PRKAR2B: variants seen among roughly 807,000 people sequenced by gnomAD.
The protein encoded by PRKAR2B is cAMP-dependent protein kinase type II-beta regulatory subunit.
A neutral mutation model predicts 49.9 loss-of-function variants in PRKAR2B; 14 were observed. The ratio of observed to expected loss-of-function variants is 0.28; its 90% CI spans 0.19 to 0.44. PRKAR2B has a LOEUF of 0.44. Among genes scored for constraint, PRKAR2B ranks in the 20% least tolerant of loss-of-function variants. The pLI is 1.00. For synonymous variants in PRKAR2B, 196 were observed against 197.7 expected, an observed-to-expected ratio of 0.99 and a Z score of 0.07; for missense variants, 393 against 537.9, an observed-to-expected ratio of 0.73 and a Z score of 2.67.
chr7:107,147,077 AT>A (rs11303143), intron 6 of PRKAR2B, among the ~76,000 whole-genome samples: 53,075 of 151,774 alleles, frequency 0.35, 11,366 homozygotes, highest in South Asian at 0.57. Flanking sequence ...TACCTGGAGT[AT>A]TTTTTTAAAA....
intron 1 of PRKAR2B, 74 bp from the exon 2 acceptor site, chr7:107,070,207 C>A: frequency 9.3e-7 from 1 of 1,080,146 alleles, no homozygotes; most frequent in Non-Finnish European, 1.4e-6. Flanking sequence ...GATGGTTTAC[C>A]AATTTGAGCC....
At chr7:107,143,379 G>A (rs562501766) in intron 5 of PRKAR2B, among the ~76,000 whole-genome samples, 7 of 152,286 alleles carry the variant, frequency 4.6e-5, no homozygotes, top group African/African-American at 1.7e-4. Context: ...AGCTTATTCA[G>A]CATCCCCGAA....
intron 2 of PRKAR2B, among the ~76,000 whole-genome samples, chr7:107,076,796 T>A (rs1166588370): frequency 3.3e-5 from 5 of 151,644 alleles, no homozygotes; most frequent in Admixed American, 2.6e-4. Context: ...ACAGGTGAAA[T>A]TAATCTTTAA....
At chr7:107,076,648 T>A (rs556749818) in intron 2 of PRKAR2B, among the ~76,000 whole-genome samples, 1 of 152,232 alleles carries the variant, frequency 6.6e-6, no homozygotes, top group Non-Finnish European at 1.5e-5. Flanking sequence ...TTATTTCTTA[T>A]AATAGAAGGA....
At chr7:107,065,436 A>G (rs938926640) in intron 1 of PRKAR2B, among the ~76,000 whole-genome samples, 13 of 151,712 alleles carry the variant, frequency 8.6e-5, no homozygotes, top group African/African-American at 2.9e-4. Flanking sequence ...TTTCCCTCCC[A>G]GGAGTATGCT....
intron 2 of PRKAR2B, chr7:107,077,443 T>C (rs1451002451): frequency 6.6e-6 from 1 of 152,144 alleles, no homozygotes; most frequent in Admixed American, 6.5e-5. Flanking sequence ...ACAGGAAGGG[T>C]ACTATTTGTG....
At chr7:107,122,063 A>T (rs1038380379) in intron 3 of PRKAR2B, 59 bp downstream of exon 3, 30 of 1,166,536 alleles carry the variant, frequency 2.6e-5, no homozygotes, top group Non-Finnish European at 3.7e-5. Context: ...ATATAAGGAA[A>T]ATAATCATAG....
intron 2 of PRKAR2B, among the ~76,000 whole-genome samples, chr7:107,104,095 G>C (rs555634589): frequency 6.6e-6 from 1 of 151,982 alleles, no homozygotes; most frequent in East Asian, 1.9e-4. Context: ...GCAGTGGCAC[G>C]ATCTCGGCTT....
intron 10 of PRKAR2B, among the ~76,000 whole-genome samples, chr7:107,157,680 TA>T (rs1420921586): frequency 6.6e-6 from 1 of 152,230 alleles, no homozygotes; most frequent in African/African-American, 2.4e-5. Flanking sequence ...AGTCCGTTAT[TA>T]AGATCTGCGG....
chr7:107,126,434 A>AAAAAAAAAAAAAAAAAAAAAC (rs1795495688), intron 3 of PRKAR2B, among the ~76,000 whole-genome samples: 1 of 150,412 alleles, frequency 6.6e-6, no homozygotes, highest in South Asian at 2.1e-4. Flanking sequence ...AAAAAAAAAA[A>AAAAAAAAAAAAAAAAAAAAAC]AAAAAAAAAG....
At chr7:107,102,675 T>C (rs1395033600) in intron 2 of PRKAR2B, among the ~76,000 whole-genome samples, 1 of 152,074 alleles carries the variant, frequency 6.6e-6, no homozygotes, top group East Asian at 1.9e-4. Flanking sequence ...AAAGATTTTT[T>C]TGTTTGTTTG....
At position 107,150,978 on chromosome 7, in the gene PRKAR2B, G is replaced by A. The variant is rs770804316; in HGVS notation, c.798G>A (p.Met266Ile). The stretch of plus-strand genomic sequence containing the variant: ...AAAACAATGCCAAAAAGAGAAAAAT[G>A]TATGAAAGCTTTATTGAGTCACTGC... ...IVKNNAKKRKMYESFIESLPF... is the reference protein window; with the variant it reads ...IVKNNAKKRKIYESFIESLPF... Residue 266 changes from methionine (M) to isoleucine (I), a missense_variant, in exon 7 of 11, where the codon ATG (methionine) becomes ATA (isoleucine). Coordinates refer to ENST00000265717, the MANE Select transcript of PRKAR2B (RefSeq NM_002736.3). The A allele has an allele frequency of 1.9e-6, 3 of 1,599,684 alleles. No homozygotes were observed. The highest frequency in any genetic ancestry group is 1.4e-5 in the African/African-American group (1 of 73,902).
In PRKAR2B at chr7:107,128,351, C is replaced by G. The variant is rs541368152; in HGVS notation, c.480+56C>G. On this transcript the variant is annotated intron_variant, in intron 4 of 10. Coordinates refer to ENST00000265717, the MANE Select transcript of PRKAR2B (RefSeq NM_002736.3). ...TTGTTTTTTCCCCCAGTGACAGTGT[C>G]AAGAACTGTACAGGGTCTTGAGTTT... The G allele has an allele frequency of 1.7e-5, 23 of 1,320,942 alleles. No homozygotes were observed. In the East Asian group the frequency reaches 4.4e-4, roughly 25 times the overall value. 81.8% of individuals were successfully genotyped at this position (1,320,942 alleles called of 1,614,324 possible).
At chr7:107,133,657 A>G (rs1326992930) in intron 4 of PRKAR2B, 2 of 152,222 alleles carry the variant, frequency 1.3e-5, no homozygotes, top group Non-Finnish European at 2.9e-5. Flanking sequence ...GCCAGAGCTC[A>G]CACAGGGACC....
In PRKAR2B at chr7:107,161,521, T is replaced by C. The variant is rs559702587; in HGVS notation, c.*1939T>C. ...TAATAAAATACATGAATTATTGTTT[T>C]TCATACTTTTTTGCTTGTTTCTTTA... On this transcript the variant is annotated 3_prime_UTR_variant, in exon 11 of 11. Coordinates refer to ENST00000265717, the MANE Select transcript of PRKAR2B (RefSeq NM_002736.3). 6.5e-6 allele frequency: 1 copy of C among 152,784 alleles called. No individual in the cohort carries two copies. Among genetic ancestry groups the C allele is most frequent in the African/African-American group, 2.4e-5 (1 of 41,586 alleles). 9.5% of individuals were successfully genotyped at this position (152,784 alleles called of 1,614,324 possible). A position where few individuals can be genotyped will look rare whatever the true frequency, so the allele number is the denominator to read the frequency against.
chr7:107,068,271 A>G (rs1401814086), intron 1 of PRKAR2B, among the ~76,000 whole-genome samples: 1 of 152,054 alleles, frequency 6.6e-6, no homozygotes, highest in Non-Finnish European at 1.5e-5. Context: ...AAGAGGCTGG[A>G]GGGGGCAGGG....
chr7:107,122,611 G>C (rs1392590345), intron 3 of PRKAR2B, among the ~76,000 whole-genome samples: 2 of 152,150 alleles, frequency 1.3e-5, no homozygotes, highest in Non-Finnish European at 2.9e-5. Context: ...AGTAATTTCT[G>C]CGTCACCCTC....
At chr7:107,117,088 T>TA (rs1383753524) in intron 2 of PRKAR2B, among the ~76,000 whole-genome samples, 1 of 150,810 alleles carries the variant, frequency 6.6e-6, no homozygotes, top group Non-Finnish European at 1.5e-5. Flanking sequence ...AATGAGATTT[T>TA]ACTGCCACAG....
chr7:107,063,679 G>T (rs913006177), intron 1 of PRKAR2B, among the ~76,000 whole-genome samples: 2 of 152,064 alleles, frequency 1.3e-5, no homozygotes, highest in Non-Finnish European at 2.9e-5. Context: ...TTGAATATGG[G>T]TATTTTCTAT....
Sources: gnomAD v4.1 joint callset for allele counts (sites outside exome capture counted in the v4.1 genomes callset) on GRCh38, gnomAD v4.1.1 for gene constraint, MANE v1.5 for transcripts, NCBI Gene and HGNC (gene_info 2026-07-23, HGNC 2026-07-21) for gene names.